Variants in ARHGAP22 observed in about 807,000 individuals in gnomAD.
ARHGAP22 encodes rho GTPase-activating protein 22.
In ARHGAP22, 48 loss-of-function variants were observed where a neutral mutation model predicts 59.1. The observed-to-expected ratio is 0.81, with a 90% CI of 0.64 to 1.03. ARHGAP22 has a LOEUF of 1.03. Among genes scored for constraint, ARHGAP22 ranks in the 50% least tolerant of loss-of-function variants. The probability of loss-of-function intolerance (pLI) is 0.00; values close to 1 mark genes in which losing one functional copy is unlikely to be tolerated. For synonymous variants in ARHGAP22, 445 were observed against 416.4 expected (o/e 1.07, Z -0.84); for missense variants, 1,015 against 958.7 (o/e 1.06, Z -0.78).
rs76208937 is a variant in ARHGAP22 at position 48,446,502 on chromosome 10, C to T, written c.1986G>A (p.Ala662=). 5.0e-3 allele frequency: 8,004 copies of T among 1,614,202 alleles called. 299 individuals carry two copies. In the African/African-American group the frequency reaches 0.08, roughly 16 times the overall value. The change falls in exon 10 of 10, where the codon GCG becomes GCA. Residue 662 remains alanine (A), a synonymous_variant. Coordinates refer to ENST00000249601, the MANE Select transcript of ARHGAP22 (RefSeq NM_021226.4). The part of the protein sequence containing the change: ...LEIKLRNSER[A]REDAERRNQL... ...GGTTCCTCCTCTCCGCATCCTCCCG[C>T]GCCCGTTCAGAGTTCCGCAGCTTTA...
chr10:48,549,320 G>T (rs1472430983), intron 3 of ARHGAP22, among the ~76,000 whole-genome samples: 1 of 152,136 alleles, frequency 6.6e-6, no homozygotes, highest in Non-Finnish European at 1.5e-5. Context: ...GGCTGTTCTT[G>T]GTCCCTCCTG....
At chr10:48,605,336 C>CA (rs1261521184), upstream of ARHGAP22, among the ~76,000 whole-genome samples, 1 of 137,880 alleles carries the variant, frequency 7.3e-6, no homozygotes, top group Non-Finnish European at 1.6e-5. Context: ...CGAGACCCCC[C>CA]CCCCACCCCA....
Position 48,604,954 on chromosome 10 carries a change from C to T in ARHGAP22, c.-158G>A. On this transcript the variant is annotated 5_prime_UTR_variant, in exon 1 of 10. Transcript: ENST00000249601. ...AGGCTCCCTCGGCTACCTCTCCTGGCTCCGGACGGACGGCTCGCCTTGGAC... is the reference window on the plus strand; with the variant it reads ...AGGCTCCCTCGGCTACCTCTCCTGGTTCCGGACGGACGGCTCGCCTTGGAC... 6.6e-7 allele frequency: 1 copy of T among 1,519,838 alleles called. No individual in the cohort carries two copies. The highest frequency in any genetic ancestry group is 1.2e-5 in the South Asian group (1 of 82,186). 94.1% of individuals were successfully genotyped at this position (1,519,838 alleles called of 1,614,324 possible).
chr10:48,501,097 G>A (rs1444548173), intron 3 of ARHGAP22, among the ~76,000 whole-genome samples: 1 of 152,136 alleles, frequency 6.6e-6, no homozygotes, highest in Non-Finnish European at 1.5e-5. Flanking sequence ...GGCAAAAGGA[G>A]AGGGCCCAGC....
At chr10:48,570,528 G>C (rs2058332082) in intron 2 of ARHGAP22, among the ~76,000 whole-genome samples, 1 of 152,228 alleles carries the variant, frequency 6.6e-6, no homozygotes, top group Non-Finnish European at 1.5e-5. Context: ...ATCAGAGCCT[G>C]TCTTTTATGC....
intron 3 of ARHGAP22, among the ~76,000 whole-genome samples, chr10:48,489,954 G>A (rs1339553434): frequency 6.6e-6 from 1 of 152,008 alleles, no homozygotes; most frequent in Non-Finnish European, 1.5e-5. Context: ...AGGATGGTCT[G>A]GATCTCCTGA....
intron 3 of ARHGAP22, among the ~76,000 whole-genome samples, chr10:48,517,903 G>A (rs761715001): frequency 7.2e-5 from 11 of 152,328 alleles, no homozygotes; most frequent in South Asian, 2.1e-4. Context: ...GTTCTGAGTG[G>A]CAGGGAGCTG....
At chr10:48,494,070 GGT>G (rs1438088152) in intron 3 of ARHGAP22, among the ~76,000 whole-genome samples, 2 of 152,222 alleles carry the variant, frequency 1.3e-5, no homozygotes, top group Non-Finnish European at 2.9e-5. Flanking sequence ...CCAGGACTGT[GGT>G]GAAGATGGAA....
At chr10:48,610,738 C>A (rs558286442) in intron 1 of ARHGAP22, among the ~76,000 whole-genome samples, 1 of 152,110 alleles carries the variant, frequency 6.6e-6, no homozygotes, top group Non-Finnish European at 1.5e-5. Flanking sequence ...GCCCAACTGG[C>A]GCTCCGAGCA....
In ARHGAP22 at chr10:48,458,307, A is replaced by T. The variant is rs1342141567; in HGVS notation, c.659+1377T>A. 5.3e-5 allele frequency among the ~76,000 whole-genome samples: 8 copies of T among 152,152 alleles called. No homozygotes were observed. The South Asian group carries it at 1.5e-3, about 28-fold the overall frequency. ...GCTGCCCCAGGCTGCTGGGAGGCCG[A>T]GAGTCAGGTCTGCATGGAACCCACC... On this transcript the variant is annotated intron_variant, in intron 5 of 9. Transcript: ENST00000249601.
chr10:48,655,268 G>GTT, upstream of ARHGAP22, among the ~76,000 whole-genome samples: 1 of 141,030 alleles, frequency 7.1e-6, no homozygotes, highest in African/African-American at 2.8e-5. Context: ...GGGGGGGGGG[G>GTT]GGGCGGGGGA....
chr10:48,504,558 A>C (rs2051881878), intron 3 of ARHGAP22, among the ~76,000 whole-genome samples: 2 of 152,196 alleles, frequency 1.3e-5, no homozygotes, highest in African/African-American at 4.8e-5. Flanking sequence ...CAGGAACAGC[A>C]GGGGCTGGCT....
intron 3 of ARHGAP22, among the ~76,000 whole-genome samples, chr10:48,496,497 C>T (rs118170502): frequency 0.013 from 1,914 of 152,238 alleles, 21 homozygotes; most frequent in Middle Eastern, 0.017. Context: ...GACTTTGTTG[C>T]TCATAGTCAC....
chr10:48,637,331 A>G (rs893631322), intron 1 of ARHGAP22, among the ~76,000 whole-genome samples: 2 of 152,214 alleles, frequency 1.3e-5, no homozygotes, highest in African/African-American at 2.4e-5. Flanking sequence ...GACAGGGGAC[A>G]CAGGTATACA....
At chr10:48,517,917 C>T (rs569995645) in intron 3 of ARHGAP22, among the ~76,000 whole-genome samples, 8 of 152,274 alleles carry the variant, frequency 5.3e-5, no homozygotes, top group African/African-American at 9.6e-5. Context: ...GGAGCTGGGA[C>T]GACTGCTGGC....
At chr10:48,536,014 G>A (rs1033110936) in intron 3 of ARHGAP22, among the ~76,000 whole-genome samples, 2 of 152,232 alleles carry the variant, frequency 1.3e-5, no homozygotes, top group African/African-American at 2.4e-5. Flanking sequence ...GGAGAAAGGC[G>A]CAGGATGGGG....
chr10:48,575,495 T>C (rs1867588), intron 2 of ARHGAP22: 81,495 of 151,950 alleles, frequency 0.54, 22,867 homozygotes, highest in East Asian at 0.97. Context: ...TAAAGATTTC[T>C]GGTTTCCGAC....
chr10:48,544,507 C>T (rs2056257783), intron 3 of ARHGAP22, among the ~76,000 whole-genome samples: 1 of 152,194 alleles, frequency 6.6e-6, no homozygotes, highest in Admixed American at 6.5e-5. Context: ...TGCCACCACA[C>T]ATGTGGGTCC....
At chr10:48,540,645 A>G (rs2055847356) in intron 3 of ARHGAP22, among the ~76,000 whole-genome samples, 1 of 152,044 alleles carries the variant, frequency 6.6e-6, no homozygotes, top group Admixed American at 6.5e-5. Context: ...AGCCAAACAA[A>G]ATATGTCTGT....
Sources: allele counts gnomAD v4.1 joint callset (sites outside exome capture counted in the v4.1 genomes callset), GRCh38; gene constraint gnomAD v4.1.1; transcripts MANE v1.5; gene names NCBI Gene and HGNC (gene_info 2026-07-23, HGNC 2026-07-21).